The following NR3C2 variants were observed in gnomAD, a reference collection of about 807,000 sequenced individuals.
NR3C2 encodes mineralocorticoid receptor.
NR3C2 carries 15 observed loss-of-function variants against 86.4 expected under a neutral mutation model. The ratio of observed to expected loss-of-function variants is 0.17; its 90% CI spans 0.12 to 0.27. The LOEUF is 0.27. Among genes scored for constraint, NR3C2 ranks in the 10% least tolerant of loss-of-function variants. NR3C2 has a pLI of 1.00. For missense variants in NR3C2, 960 were observed against 1,195.6 expected (o/e 0.80, Z 2.91); for synonymous variants, 458 against 450.5 (o/e 1.02, Z -0.21).
At chr4:148,235,262 T>TTATATATATATATA (rs370271975) in intron 3 of NR3C2, among the ~76,000 whole-genome samples, 5,222 of 143,438 alleles carry the variant, frequency 0.036, 169 homozygotes, top group Admixed American at 0.099. Flanking sequence ...TAAGTGGCAA[T>TTATATATATATATA]TATATATATA....
intron 2 of NR3C2, among the ~76,000 whole-genome samples, chr4:148,354,982 T>C (rs2149996858): frequency 6.6e-6 from 1 of 152,164 alleles, no homozygotes; most frequent in Admixed American, 6.5e-5. Flanking sequence ...TTAAAAAAAA[T>C]AAATATAGCT....
intron 4 of NR3C2, among the ~76,000 whole-genome samples, chr4:148,156,193 T>C (rs1291972581): frequency 1.3e-5 from 2 of 152,184 alleles, no homozygotes; most frequent in Admixed American, 6.5e-5. Flanking sequence ...ATTCAGGACA[T>C]AGGCATGGGC....
At chr4:148,121,142 A>G (rs1403142) in intron 6 of NR3C2, among the ~76,000 whole-genome samples, 69,158 of 152,114 alleles carry the variant, frequency 0.45, 17,191 homozygotes, top group East Asian at 0.71. Context: ...CTATTGGTGA[A>G]AAATGGGAAA....
chr4:148,214,948 A>T (rs1737453531), intron 3 of NR3C2, among the ~76,000 whole-genome samples: 1 of 152,238 alleles, frequency 6.6e-6, no homozygotes, highest in Admixed American at 6.5e-5. Context: ...TTGAAAGGAC[A>T]AGAGCACCCA....
At chr4:148,154,052 A>G (rs1734229905) in intron 5 of NR3C2, among the ~76,000 whole-genome samples, 1 of 150,626 alleles carries the variant, frequency 6.6e-6, no homozygotes, top group Non-Finnish European at 1.5e-5. Context: ...TCTGTTGCTC[A>G]GGCTGGAGTA....
chr4:148,304,413 A>G (rs114418019), intron 2 of NR3C2, among the ~76,000 whole-genome samples: 2 of 132,708 alleles, frequency 1.5e-5, no homozygotes, highest in African/African-American at 5.7e-5. Context: ...CTCGGGATTT[A>G]CCCCAGCTTG....
intron 2 of NR3C2, among the ~76,000 whole-genome samples, chr4:148,347,947 C>G (rs1475049042): frequency 6.6e-6 from 1 of 152,096 alleles, no homozygotes; most frequent in Non-Finnish European, 1.5e-5. Context: ...CCCCTGTTTG[C>G]CTATTTTACA....
chr4:148,313,705 T>C (rs1291306277), intron 2 of NR3C2, among the ~76,000 whole-genome samples: 1 of 152,216 alleles, frequency 6.6e-6, no homozygotes, highest in Non-Finnish European at 1.5e-5. Context: ...AGATATCATT[T>C]TATAAACTTT....
intron 2 of NR3C2, among the ~76,000 whole-genome samples, chr4:148,318,535 C>A (rs1470423823): frequency 6.6e-6 from 1 of 151,266 alleles, no homozygotes; most frequent in Non-Finnish European, 1.5e-5. Flanking sequence ...TCTCCAGCAC[C>A]TGTTGTTTCC....
intron 2 of NR3C2, among the ~76,000 whole-genome samples, chr4:148,392,626 A>G (rs1747645911): frequency 6.6e-6 from 1 of 152,182 alleles, no homozygotes; most frequent in Non-Finnish European, 1.5e-5. Flanking sequence ...GAGAGAGAGA[A>G]CTGGCTACCA....
At chr4:148,112,299 T>C (rs1423280126) in intron 8 of NR3C2, among the ~76,000 whole-genome samples, 1 of 152,250 alleles carries the variant, frequency 6.6e-6, no homozygotes, top group Non-Finnish European at 1.5e-5. Flanking sequence ...GTTTCATCTA[T>C]AATCACATGA....
At chr4:148,401,083 T>G (rs1748137674) in intron 2 of NR3C2, among the ~76,000 whole-genome samples, 1 of 152,206 alleles carries the variant, frequency 6.6e-6, no homozygotes, top group African/African-American at 2.4e-5. Context: ...TACACATTAC[T>G]TCATTTAATT....
At chr4:148,267,453 G>A (rs1302673672) in intron 2 of NR3C2, among the ~76,000 whole-genome samples, 5 of 151,910 alleles carry the variant, frequency 3.3e-5, no homozygotes, top group Admixed American at 6.6e-5. Flanking sequence ...TGCCATAATA[G>A]TGGACCTATA....
chr4:148,257,242 A>AACAT (rs1739877156), intron 3 of NR3C2, among the ~76,000 whole-genome samples: 1 of 152,220 alleles, frequency 6.6e-6, no homozygotes, highest in Non-Finnish European at 1.5e-5. Context: ...TAAATATACA[A>AACAT]ACATACATCC....
intron 6 of NR3C2, among the ~76,000 whole-genome samples, chr4:148,128,897 C>A (rs919244190): frequency 1.3e-5 from 2 of 152,190 alleles, no homozygotes; most frequent in African/African-American, 4.8e-5. Flanking sequence ...AGAAAAACTG[C>A]ATCTTTGCAA....
rs61760013 is a variant in NR3C2, at chr4:148,436,733, A to G, written c.128T>C (p.Met43Thr). The change falls in exon 2 of 9, where the codon ATG (methionine) becomes ACG (threonine). Residue 43 changes from methionine (M) to threonine (T), a missense_variant. By Grantham distance (81) the Met-to-Thr change is moderately conservative. Coordinates refer to ENST00000358102, the MANE Select transcript of NR3C2 (RefSeq NM_000901.5). The stretch of plus-strand genomic sequence containing the variant: ...AACACAGCTTACGTTGACAATCTCC[A>G]TGTAGTTATTCTCATCGGTCCTCTC... The part of the protein sequence containing the change: ...PTERTDENNY[M>T]EIVNVSCVSG... 6.2e-7 allele frequency: 1 copy of G among 1,613,994 alleles called. No individual in the cohort carries two copies. The highest frequency in any genetic ancestry group is 8.5e-7 in the Non-Finnish European group (1 of 1,180,000).
At chr4:148,122,979 A>G (rs1186449774) in intron 6 of NR3C2, among the ~76,000 whole-genome samples, 1 of 152,216 alleles carries the variant, frequency 6.6e-6, no homozygotes, top group Non-Finnish European at 1.5e-5. Flanking sequence ...CGTCGGGCAA[A>G]AAAAGCCATA....
At chr4:148,128,737 TCAAC>T (rs1732867527) in intron 6 of NR3C2, among the ~76,000 whole-genome samples, 1 of 152,196 alleles carries the variant, frequency 6.6e-6, no homozygotes, top group African/African-American at 2.4e-5. Context: ...TGCTTACCAC[TCAAC>T]TCCTTAATGG....
intron 6 of NR3C2, among the ~76,000 whole-genome samples, chr4:148,138,592 T>C (rs560039923): frequency 3.3e-5 from 5 of 152,220 alleles, no homozygotes; most frequent in African/African-American, 1.2e-4. Flanking sequence ...CCATGTTCCC[T>C]AGGCTGGTCT....
Sources: allele counts gnomAD v4.1 joint callset (sites outside exome capture counted in the v4.1 genomes callset), GRCh38; gene constraint gnomAD v4.1.1; transcripts MANE v1.5; gene names NCBI Gene and HGNC (gene_info 2026-07-23, HGNC 2026-07-21).